Variants in RASGRP3 observed in about 807,000 individuals in gnomAD.
RASGRP3 encodes RAS guanyl releasing protein 3.
Under a neutral mutation model 82.7 loss-of-function variants are expected in RASGRP3, and 54 were observed. The ratio of observed to expected loss-of-function variants is 0.65; its 90% CI spans 0.52 to 0.82. The LOEUF (loss-of-function observed/expected upper bound fraction) is 0.82. Ranked by LOEUF, RASGRP3 falls within the 40% of genes least tolerant of loss-of-function variation. RASGRP3 has a pLI of 0.00. For synonymous variants in RASGRP3, 309 were observed against 300.5 expected (o/e 1.03, Z -0.29); for missense variants, 861 against 828.9 (o/e 1.04, Z -0.48).
intron 1 of RASGRP3, among the ~76,000 whole-genome samples, chr2:33,441,462 A>G (rs1665222700): frequency 6.6e-6 from 1 of 152,220 alleles, no homozygotes; most frequent in Non-Finnish European, 1.5e-5. Flanking sequence ...CAGCCCAGAG[A>G]CAGCAGAGCC....
intron 13 of RASGRP3, among the ~76,000 whole-genome samples, chr2:33,545,571 A>G (rs561597145): frequency 9.3e-4 from 141 of 152,394 alleles, no homozygotes; most frequent in African/African-American, 3.3e-3. Context: ...CAATGCATTC[A>G]TAAATTCATT....
chr2:33,516,636 T>C lies in RASGRP3; in HGVS notation c.165T>C (p.Leu55=), dbSNP rs1313411643. The C allele has an allele frequency of 7.8e-6, 12 of 1,542,388 alleles. No homozygotes were observed. The highest frequency in any genetic ancestry group is 1.1e-5 in the Non-Finnish European group (12 of 1,124,512). The change falls in exon 4 of 18, where the codon CTT becomes CTC. Residue 55 remains leucine (L), a synonymous_variant. Transcript: ENST00000403687. ...CTTCCACTGAATTGGCAGAAAAACT[T>C]CTCTGCATATATCTTTTCAACTACT... The part of the protein sequence containing the change: ...YLSSTELAEK[L]LCMYRNATGE...
At chr2:33,557,613 G>A (rs1435569369) in intron 15 of RASGRP3, among the ~76,000 whole-genome samples, 2 of 152,150 alleles carry the variant, frequency 1.3e-5, no homozygotes, top group East Asian at 1.9e-4. Context: ...GGGAGGCTGA[G>A]GCAGGAGAAT....
At chr2:33,508,653 G>A (rs998883239) in intron 1 of RASGRP3, among the ~76,000 whole-genome samples, 1 of 152,180 alleles carries the variant, frequency 6.6e-6, no homozygotes, top group Non-Finnish European at 1.5e-5. Flanking sequence ...CCATTCTGAC[G>A]TTTATCGAGA....
chr2:33,476,758 C>CGTGCGCGT (rs1553338895), intron 1 of RASGRP3, 51 bp downstream of exon 1: 1 of 140,258 alleles, frequency 7.1e-6, no homozygotes, highest in Non-Finnish European at 1.5e-5. Context: ...ATTCCCTCTC[C>CGTGCGCGT]GTGTGTGTGT....
chr2:33,462,156 T>A (rs1278275538), intron 2 of RASGRP3, among the ~76,000 whole-genome samples: 2 of 152,124 alleles, frequency 1.3e-5, no homozygotes, highest in Admixed American at 1.3e-4. Context: ...ATTCATTCAT[T>A]TGGAAAGAGG....
At chr2:33,461,753 A>G (rs992014965) in intron 2 of RASGRP3, among the ~76,000 whole-genome samples, 3 of 152,252 alleles carry the variant, frequency 2.0e-5, no homozygotes, top group African/African-American at 7.2e-5. Flanking sequence ...TTCTACACAC[A>G]AAGTTATAAG....
intron 11 of RASGRP3, among the ~76,000 whole-genome samples, chr2:33,536,915 A>G (rs1673670635): frequency 6.6e-6 from 1 of 152,178 alleles, no homozygotes; most frequent in Non-Finnish European, 1.5e-5. Flanking sequence ...GGGGTGTGTT[A>G]CAGTTAATGC....
chr2:33,476,373 T>G (rs1187727090), upstream of RASGRP3: 1 of 152,228 alleles, frequency 6.6e-6, no homozygotes, highest in Admixed American at 6.5e-5. Flanking sequence ...CATTTAACTT[T>G]CCACTTGCAG....
At chr2:33,457,530 T>C (rs1666104285) in intron 2 of RASGRP3, among the ~76,000 whole-genome samples, 1 of 152,236 alleles carries the variant, frequency 6.6e-6, no homozygotes, top group East Asian at 1.9e-4. Context: ...TGCATTAAGA[T>C]TGTTTTGATG....
chr2:33,524,489 CAT>C lies in RASGRP3; in HGVS notation c.750_751del (p.His250GlnfsTer23). 6.2e-7 allele frequency: 1 copy of C among 1,606,140 alleles called. No individual in the cohort carries two copies. The highest frequency in any genetic ancestry group is 8.5e-7 in the Non-Finnish European group (1 of 1,176,142). ...GATGGCAGTGGTGGGAGGCCTCAGT[CAT>C]AGTTCCATTTCACGCCTCAAAGAGA... Reference protein sequence around the residue: ...TLMAVVGGLSHSSISRLKETH... With the variant: ...TLMAVVGGLSXSSISRLKETH... On this transcript the variant is annotated frameshift_variant, in exon 9 of 18. Transcript: ENST00000403687. LOFTEE classifies it high-confidence loss of function.
At chr2:33,500,882 C>G (rs1669807117) in intron 1 of RASGRP3, among the ~76,000 whole-genome samples, 1 of 152,102 alleles carries the variant, frequency 6.6e-6, no homozygotes, top group Admixed American at 6.6e-5. Context: ...TGCAGTGAGC[C>G]AAGATCGCAC....
intron 10 of RASGRP3, among the ~76,000 whole-genome samples, chr2:33,529,659 T>G (rs1012431597): frequency 2.1e-4 from 32 of 152,032 alleles, no homozygotes; most frequent in African/African-American, 7.0e-4. Context: ...TTGGGTAGCA[T>G]AGTGTAGTGG....
Position 33,505,730 on chromosome 2 carries a change from C to T in RASGRP3, c.-260-5980C>T, listed in dbSNP as rs73926684. ...CTAGTTCTGGGTCTTAACTTTGAGG[C>T]ATTATTTGGAAAGTGAACACTCGAG... On this transcript the variant is annotated intron_variant, in intron 1 of 17. Transcript: ENST00000403687. 6.3e-3 allele frequency among the ~76,000 whole-genome samples: 965 copies of T among 152,248 alleles called. 8 individuals carry two copies. The highest frequency in any genetic ancestry group is 0.014 in the African/African-American group (595 of 41,538).
intron 13 of RASGRP3, among the ~76,000 whole-genome samples, chr2:33,545,260 A>T (rs1474727029): frequency 6.6e-6 from 1 of 152,246 alleles, no homozygotes; most frequent in African/African-American, 2.4e-5. Flanking sequence ...TCTTGCTTAC[A>T]TGACACTAAA....
chr2:33,463,118 T>A lies in RASGRP3; in HGVS notation c.-261+15175T>A, dbSNP rs948437643. Among the ~76,000 whole-genome samples the A allele has an allele frequency of 3.3e-5, 5 of 152,198 alleles. No individual in the cohort carries two copies. The South Asian group carries it at 1.0e-3, about 31-fold the overall frequency. ...AAAATGAATGAAACTTGCTGTCAAA[T>A]CAAATAGTTTTGGAATAAAAATAAT... On this transcript the variant is annotated intron_variant, in intron 2 of 18. Transcript: ENST00000402538.
Position 33,558,954 on chromosome 2 carries a change from G to T in RASGRP3, c.1988G>T (p.Gly663Val). 6.2e-7 allele frequency: 1 copy of T among 1,614,022 alleles called. No homozygotes were observed. The highest frequency in any genetic ancestry group is 8.5e-7 in the Non-Finnish European group (1 of 1,179,902). Residue 663 changes from glycine (G) to valine (V), a missense_variant, in exon 17 of 18, where the codon GGT (glycine) becomes GTT (valine). Transcript: ENST00000403687. ...AATGAGAAGCCCAGGGTGCATGCTG[G>T]TGTGGATGTTGTAGACCGGGGCACG... ...WENEKPRVHAGVDVVDRGTEF... is the reference protein window; with the variant it reads ...WENEKPRVHAVVDVVDRGTEF...
chr2:33,516,419 A>T, intron 3 of RASGRP3, 123 bp from the exon 4 acceptor site: 1 of 637,556 alleles, frequency 1.6e-6, no homozygotes, highest in Non-Finnish European at 2.7e-6. Context: ...AAAGAAATAA[A>T]ATAAAAGATC....
chr2:33,526,212 C>T (rs1672550859), intron 9 of RASGRP3, among the ~76,000 whole-genome samples: 1 of 152,192 alleles, frequency 6.6e-6, no homozygotes, highest in Non-Finnish European at 1.5e-5. Context: ...GATGCAATTA[C>T]TCTGATGATA....
Sources: allele counts gnomAD v4.1 joint callset (sites outside exome capture counted in the v4.1 genomes callset), GRCh38; gene constraint gnomAD v4.1.1; transcripts MANE v1.5; gene names NCBI Gene and HGNC (gene_info 2026-07-23, HGNC 2026-07-21).